The following UBTD2 variants were observed in gnomAD, a reference collection of about 807,000 sequenced individuals.
UBTD2 encodes ubiquitin domain containing 2, also known as ubiquitin domain-containing protein 2.
A neutral mutation model predicts 19.8 loss-of-function variants in UBTD2; 9 were observed. The ratio of observed to expected loss-of-function variants is 0.46; its 90% CI spans 0.27 to 0.79. The LOEUF (loss-of-function observed/expected upper bound fraction) is 0.79, where lower values mean the gene tolerates loss of function less well. Ranked by LOEUF, UBTD2 falls within the 30% of genes least tolerant of loss-of-function variation. UBTD2 has a pLI of 0.14. For synonymous variants in UBTD2, 98 were observed against 103.9 expected (o/e 0.94, Z 0.35); for missense variants, 250 against 300.4 (o/e 0.83, Z 1.24).
rs551525454 is a variant in UBTD2 at position 172,211,784 on chromosome 5, A to C, written c.*46T>G. The C allele has an allele frequency of 3.3e-6, 5 of 1,527,182 alleles. No homozygotes were observed. Among genetic ancestry groups the C allele is most frequent in the African/African-American group, 1.4e-5 (1 of 72,244 alleles). The allele number at this position is 1,527,182 out of a possible 1,614,324, so 94.6% of individuals were successfully genotyped here. A position where few individuals can be genotyped will look rare whatever the true frequency, so the allele number is the denominator to read the frequency against. On this transcript the variant is annotated 3_prime_UTR_variant, in exon 3 of 3. Transcript: ENST00000393792. The stretch of plus-strand genomic sequence containing the variant: ...AGAGTAGGAAATGACAACAAGAACC[A>C]TAAAAAGGAGCAGAGGGATGTGGGA...
In UBTD2 at chr5:172,212,037, A is replaced by G. The variant is rs751910655; in HGVS notation, c.498T>C (p.Leu166=). 6.2e-7 allele frequency: 1 copy of G among 1,614,192 alleles called. No homozygotes were observed. The highest frequency in any genetic ancestry group is 1.7e-5 in the Admixed American group (1 of 60,026). The change falls in exon 3 of 3, where the codon CTT becomes CTC. Residue 166 remains leucine (L), a synonymous_variant. Coordinates refer to ENST00000393792, the MANE Select transcript of UBTD2 (RefSeq NM_152277.3). ...LRLSTGKDLK[L]VVRSTDTVFH... ...ATACTGTGTCTGTGCTGCGAACCAC[A>G]AGCTTGAGGTCTTTGCCTGTGGAAA...
chr5:172,223,476 G>A (rs1279061509), intron 2 of UBTD2, among the ~76,000 whole-genome samples: 6 of 148,762 alleles, frequency 4.0e-5, no homozygotes, highest in South Asian at 4.3e-4. Flanking sequence ...GCACGCTCCT[G>A]TAATCCCAGC....
rs139625852 is a variant in UBTD2 at position 172,219,589 on chromosome 5, C to T, written c.308-7362G>A. Reference sequence around the variant, plus strand: ...TAAAACACAAGAGTAGTGGTGCTGGCAATTTAGATATGCCAAAAGAAGCCA... The same window carrying T: ...TAAAACACAAGAGTAGTGGTGCTGGTAATTTAGATATGCCAAAAGAAGCCA... On this transcript the variant is annotated intron_variant, in intron 2 of 2. Transcript: ENST00000393792. 5.3e-5 allele frequency among the ~76,000 whole-genome samples: 8 copies of T among 152,042 alleles called. 1 individual carries two copies. The highest frequency in any genetic ancestry group is 1.9e-4 in the African/African-American group (8 of 41,458).
chr5:172,268,830 G>A (rs1755426788), intron 1 of UBTD2, among the ~76,000 whole-genome samples: 2 of 152,172 alleles, frequency 1.3e-5, no homozygotes, highest in East Asian at 1.9e-4. Flanking sequence ...ATGTCTAAAT[G>A]CTGATAAGAT....
intron 1 of UBTD2, among the ~76,000 whole-genome samples, chr5:172,239,797 G>A (rs1411579281): frequency 1.2e-4 from 18 of 151,900 alleles, no homozygotes; most frequent in African/African-American, 3.1e-4. Flanking sequence ...CCAGCTACTC[G>A]GCAGGCTGAG....
At chr5:172,254,219 C>T (rs912449355) in intron 1 of UBTD2, among the ~76,000 whole-genome samples, 1 of 152,140 alleles carries the variant, frequency 6.6e-6, no homozygotes, top group African/African-American at 2.4e-5. Flanking sequence ...CCTGCCTCAG[C>T]CTCCCAAGTA....
rs186013310 is a variant in UBTD2, at chr5:172,223,794, T to A, written c.307+10328A>T. ...GTCACAGAACTAGTAAGTGGCCAAGTGTATAATGTATAGGAGGTACAGGGA... is the reference window on the plus strand; with the variant it reads ...GTCACAGAACTAGTAAGTGGCCAAGAGTATAATGTATAGGAGGTACAGGGA... On this transcript the variant is annotated intron_variant, in intron 2 of 2. Transcript: ENST00000393792. Among the ~76,000 whole-genome samples the A allele has an allele frequency of 4.6e-5, 7 of 152,080 alleles. No individual in the cohort carries two copies. The East Asian group carries it at 1.4e-3, about 29-fold the overall frequency.
chr5:172,255,573 T>C (rs1475851540), intron 1 of UBTD2: 2 of 255,920 alleles, frequency 7.8e-6, no homozygotes, highest in African/African-American at 4.5e-5. Context: ...CCGGGCGGCG[T>C]TGACGGCAGG....
chr5:172,249,497 A>G (rs1047426881), intron 1 of UBTD2, among the ~76,000 whole-genome samples: 6 of 151,944 alleles, frequency 3.9e-5, no homozygotes, highest in Non-Finnish European at 8.8e-5. Context: ...TATGAGGCCA[A>G]CATTACCCTA....
intron 1 of UBTD2, among the ~76,000 whole-genome samples, chr5:172,235,092 T>A (rs1771981813): frequency 6.6e-6 from 1 of 151,954 alleles, no homozygotes; most frequent in South Asian, 2.1e-4. Context: ...AAAAAAATTT[T>A]TTTTTAATAC....
chr5:172,210,474 A>T lies in UBTD2; in HGVS notation c.*1356T>A, dbSNP rs1280645174. 3 of 152,152 alleles carry T rather than the reference A, an allele frequency of 2.0e-5. No individual in the cohort carries two copies. The highest frequency in any genetic ancestry group is 7.2e-5 in the African/African-American group (3 of 41,446). 9.4% of individuals were successfully genotyped at this position (152,152 alleles called of 1,614,324 possible). A position where few individuals can be genotyped will look rare whatever the true frequency, so the allele number is the denominator to read the frequency against. ...CTCACTTATGGAACCAACTTTTAAA[A>T]GGCTCCAAATTCAACCTAACTCTTG... On this transcript the variant is annotated 3_prime_UTR_variant, in exon 3 of 3. Coordinates refer to ENST00000393792, the MANE Select transcript of UBTD2 (RefSeq NM_152277.3).
chr5:172,247,563 T>G (rs950325842), intron 1 of UBTD2, among the ~76,000 whole-genome samples: 1 of 152,168 alleles, frequency 6.6e-6, no homozygotes, highest in Non-Finnish European at 1.5e-5. Context: ...TGGCTATATT[T>G]GTAAACAATA....
chr5:172,270,400 C>A, intron 1 of UBTD2, among the ~76,000 whole-genome samples: 1 of 143,186 alleles, frequency 7.0e-6, no homozygotes, highest in African/African-American at 2.7e-5. Context: ...TCTTGTTGCC[C>A]AGGCCGGAGT....
intron 1 of UBTD2, among the ~76,000 whole-genome samples, chr5:172,265,545 G>A (rs1331317423): frequency 6.6e-6 from 1 of 152,132 alleles, no homozygotes; most frequent in Admixed American, 6.6e-5. Context: ...TAGCCAGGAT[G>A]GTCTCGATCT....
In UBTD2 at chr5:172,283,540, GC is replaced by G; in HGVS notation, c.70+55del. 8.0e-7 allele frequency: 1 copy of G among 1,249,494 alleles called. No homozygotes were observed. 77.4% of individuals were successfully genotyped at this position (1,249,494 alleles called of 1,614,324 possible). A position where few individuals can be genotyped will look rare whatever the true frequency, so the allele number is the denominator to read the frequency against. On this transcript the variant is annotated intron_variant, in intron 1 of 2. Transcript: ENST00000393792. The surrounding 1 kb of genome is among the most constrained non-coding windows in gnomAD (Gnocchi z 4.3). ...CGGCCCGCGGGGGTCGGGACAGGTG[GC>G]CGGGCCTGGCCGGGAACAATGGGGG...
intron 2 of UBTD2, among the ~76,000 whole-genome samples, chr5:172,223,557 C>T (rs896431716): frequency 3.0e-5 from 4 of 133,604 alleles, no homozygotes; most frequent in African/African-American, 1.2e-4. Flanking sequence ...CAAGATCACG[C>T]CACTGCACTC....
intron 1 of UBTD2, among the ~76,000 whole-genome samples, chr5:172,246,659 G>C (rs112707162): frequency 1.1e-4 from 16 of 150,440 alleles, no homozygotes; most frequent in African/African-American, 3.4e-4. Flanking sequence ...GGCCAGGCTG[G>C]TCTCGAACTC....
At chr5:172,270,468 G>A (rs1010091673) in intron 1 of UBTD2, among the ~76,000 whole-genome samples, 9 of 140,812 alleles carry the variant, frequency 6.4e-5, no homozygotes, top group African/African-American at 8.1e-5. Flanking sequence ...CAATTCCCCC[G>A]CCTCAGCCTC....
chr5:172,274,287 C>A (rs1285721961), intron 1 of UBTD2, among the ~76,000 whole-genome samples: 1 of 151,746 alleles, frequency 6.6e-6, no homozygotes, highest in Non-Finnish European at 1.5e-5. Flanking sequence ...ACTACAGGCA[C>A]GTGCCACCAT....
Sources: gnomAD v4.1 joint callset for allele counts (sites outside exome capture counted in the v4.1 genomes callset) on GRCh38, gnomAD v4.1.1 for gene constraint, Gnocchi (gnomAD v3.1) non-coding constraint, MANE v1.5 for transcripts, NCBI Gene and HGNC (gene_info 2026-07-23, HGNC 2026-07-21) for gene names.